RPRD1A: variants seen among roughly 807,000 people sequenced by gnomAD.
RPRD1A encodes the protein regulation of nuclear pre-mRNA domain-containing protein 1A.
RPRD1A carries 9 observed loss-of-function variants against 37.8 expected under a neutral mutation model. That is an observed-to-expected ratio of 0.24 (90% CI 0.14 to 0.42). The LOEUF (loss-of-function observed/expected upper bound fraction) is 0.42, where lower values mean the gene tolerates loss of function less well. Among genes scored for constraint, RPRD1A ranks in the 10% least tolerant of loss-of-function variants. The pLI, the probability that RPRD1A is intolerant of heterozygous loss-of-function variation, is 1.00. For synonymous variants in RPRD1A, 138 were observed against 139.7 expected (o/e 0.99, Z 0.08); for missense variants, 255 against 371.0 (o/e 0.69, Z 2.57).
rs935340069 is a variant in RPRD1A, at chr18:36,027,234, G to C, written c.563C>G (p.Ala188Gly). 5.6e-6 allele frequency: 9 copies of C among 1,613,272 alleles called. No individual in the cohort carries two copies. In the African/African-American group the frequency reaches 1.1e-4, roughly 19 times the overall value. The change falls in exon 5 of 7, where the codon GCT becomes GGT. Residue 188 changes from alanine to glycine, a missense_variant. Ala to Gly is a moderately conservative substitution (Grantham distance 60, BLOSUM62 0). Coordinates refer to ENST00000399022, the MANE Select transcript of RPRD1A (RefSeq NM_018170.5). The part of the protein sequence containing the change: ...SGDAAVHQRI[A>G]SLPVEVQEVS... Reference sequence around the variant, plus strand: ...TTCTTGGACTTCAACAGGTAAAGAAGCTATCCTCTGATGAACTGCTGCATC... The same window carrying C: ...TTCTTGGACTTCAACAGGTAAAGAACCTATCCTCTGATGAACTGCTGCATC...
chr18:36,058,223 A>T (rs1598669570), intron 1 of RPRD1A, among the ~76,000 whole-genome samples: 1 of 152,110 alleles, frequency 6.6e-6, no homozygotes, highest in East Asian at 1.9e-4. Flanking sequence ...TTGTATTTTT[A>T]GTAGAGACAG....
At chr18:36,034,024 T>C (rs1271431240) in intron 1 of RPRD1A, among the ~76,000 whole-genome samples, 187 bp from the exon 2 acceptor site, 2 of 152,100 alleles carry the variant, frequency 1.3e-5, no homozygotes, top group Non-Finnish European at 2.9e-5. Context: ...CCAGAACTAA[T>C]GTCTATGTAA....
At chr18:36,053,921 T>C (rs1448996132) in intron 1 of RPRD1A, among the ~76,000 whole-genome samples, 4 of 152,070 alleles carry the variant, frequency 2.6e-5, no homozygotes, top group African/African-American at 9.7e-5. Flanking sequence ...AATCTTGAAG[T>C]TCTGAGCATA....
chr18:36,022,368 T>C (rs969915336), intron 6 of RPRD1A, among the ~76,000 whole-genome samples: 35 of 152,134 alleles, frequency 2.3e-4, no homozygotes, highest in African/African-American at 8.2e-4. Context: ...AGATTTTCCA[T>C]GTAGAAAAAA....
At chr18:36,008,762 A>G (rs1325299521) in intron 6 of RPRD1A, among the ~76,000 whole-genome samples, 1 of 151,640 alleles carries the variant, frequency 6.6e-6, no homozygotes, top group Non-Finnish European at 1.5e-5. Flanking sequence ...TACTACATCA[A>G]GTTTAAACCA....
chr18:35,998,213 G>A (rs1358726500), intron 6 of RPRD1A, among the ~76,000 whole-genome samples: 1 of 152,070 alleles, frequency 6.6e-6, no homozygotes, highest in East Asian at 1.9e-4. Context: ...ACAAAAATTA[G>A]CTGGGTGTGG....
chr18:36,060,890 A>G (rs917751852), intron 1 of RPRD1A, among the ~76,000 whole-genome samples: 1 of 152,118 alleles, frequency 6.6e-6, no homozygotes, highest in Non-Finnish European at 1.5e-5. Flanking sequence ...GCTACTCGGG[A>G]GGCTGAGGCA....
chr18:35,999,790 G>T (rs1909308138), intron 6 of RPRD1A, among the ~76,000 whole-genome samples: 1 of 152,120 alleles, frequency 6.6e-6, no homozygotes, highest in Admixed American at 6.5e-5. Context: ...AGAATTTGTA[G>T]AGAAAAAAGG....
intron 6 of RPRD1A, among the ~76,000 whole-genome samples, chr18:36,023,369 G>T (rs1420116695): frequency 6.6e-6 from 1 of 152,188 alleles, no homozygotes; most frequent in Admixed American, 6.5e-5. Flanking sequence ...CAAATAGCAA[G>T]AGAACGAGAC....
chr18:36,033,641 A>T (rs1598636765), intron 2 of RPRD1A, 67 bp downstream of exon 2: 1 of 1,398,724 alleles, frequency 7.1e-7, no homozygotes, highest in East Asian at 2.4e-5. Flanking sequence ...GTTTAAGGCA[A>T]ATTTTAGCAA....
intron 6 of RPRD1A, among the ~76,000 whole-genome samples, chr18:36,006,758 G>C (rs1326309176): frequency 6.6e-6 from 1 of 152,118 alleles, no homozygotes; most frequent in Non-Finnish European, 1.5e-5. Context: ...TAACAATGCC[G>C]GAATACAGAC....
At chr18:35,995,508 T>C (rs1050644251) in intron 6 of RPRD1A, among the ~76,000 whole-genome samples, 1 of 152,152 alleles carries the variant, frequency 6.6e-6, no homozygotes, top group Non-Finnish European at 1.5e-5. Flanking sequence ...CCTCAGGAGA[T>C]CCACCTGCCT....
chr18:36,017,146 C>A (rs990224425), intron 6 of RPRD1A, among the ~76,000 whole-genome samples: 3 of 152,086 alleles, frequency 2.0e-5, no homozygotes, highest in Admixed American at 6.6e-5. Context: ...ACTGTCTCTA[C>A]AAAAAGCACA....
chr18:35,998,390 A>G (rs1226834262), intron 6 of RPRD1A, among the ~76,000 whole-genome samples: 1 of 152,154 alleles, frequency 6.6e-6, no homozygotes, highest in Non-Finnish European at 1.5e-5. Context: ...ATTAAAATAA[A>G]TGTTCTCAGG....
intron 6 of RPRD1A, among the ~76,000 whole-genome samples, chr18:36,009,886 G>C (rs1274424623): frequency 6.6e-6 from 1 of 152,102 alleles, no homozygotes; most frequent in African/African-American, 2.4e-5. Flanking sequence ...GTGCAGCTCT[G>C]TAACTCCACA....
chr18:35,993,533 A>C (rs1387220314), intron 6 of RPRD1A, among the ~76,000 whole-genome samples: 1 of 152,256 alleles, frequency 6.6e-6, no homozygotes, highest in African/African-American at 2.4e-5. Flanking sequence ...AGTAGAAAGA[A>C]GACTAACATT....
At chr18:36,020,636 T>C (rs546804925) in intron 6 of RPRD1A, among the ~76,000 whole-genome samples, 1 of 151,996 alleles carries the variant, frequency 6.6e-6, no homozygotes, top group African/African-American at 2.4e-5. Flanking sequence ...AAATAAATAG[T>C]CTGAGCAACA....
intron 1 of RPRD1A, among the ~76,000 whole-genome samples, chr18:36,041,322 C>A (rs1010272215): frequency 6.6e-6 from 1 of 152,038 alleles, no homozygotes; most frequent in Non-Finnish European, 1.5e-5. Context: ...TCTTATAGAA[C>A]CCTTTTCTCC....
chr18:36,040,787 A>T, intron 1 of RPRD1A: 5 of 1,447,464 alleles, frequency 3.5e-6, no homozygotes, highest in Non-Finnish European at 4.6e-6. Flanking sequence ...CATAGAAGAA[A>T]AGTGTTTTTA....
Sources: allele counts gnomAD v4.1 joint callset (sites outside exome capture counted in the v4.1 genomes callset), GRCh38; gene constraint gnomAD v4.1.1; transcripts MANE v1.5; gene names NCBI Gene and HGNC (gene_info 2026-07-23, HGNC 2026-07-21).